The following SRGAP3 variants were observed in gnomAD, a reference collection of about 807,000 sequenced individuals.
SRGAP3 encodes SLIT-ROBO Rho GTPase activating protein 3.
In SRGAP3, 39 loss-of-function variants were observed where a neutral mutation model predicts 121.1. The ratio of observed to expected loss-of-function variants is 0.32; its 90% CI spans 0.25 to 0.42. The LOEUF (loss-of-function observed/expected upper bound fraction) is 0.42, where lower values mean the gene tolerates loss of function less well. Among genes scored for constraint, SRGAP3 ranks in the 10% least tolerant of loss-of-function variants. SRGAP3 has a pLI of 1.00. For synonymous variants in SRGAP3, 601 were observed against 570.0 expected (o/e 1.05, Z -0.77); for missense variants, 1,213 against 1,470.6 (o/e 0.82, Z 2.86).
intron 5 of SRGAP3, among the ~76,000 whole-genome samples, chr3:9,063,909 G>T (rs182075502): frequency 6.6e-6 from 1 of 152,264 alleles, no homozygotes; most frequent in East Asian, 1.9e-4. Context: ...CTTTGAATTG[G>T]CAATGGCAAT....
In SRGAP3 at chr3:9,313,448, G is replaced by C. The variant is rs563763627; in HGVS notation, n.442+12562C>G. ...CCACACCTGTAATCCCAGCACTTTG[G>C]GAGGCTGAGACAGGCAGATGACTTG... On this transcript the variant is annotated intron_variant and non_coding_transcript_variant, in intron 3 of 3. Transcript: ENST00000490889. Among the ~76,000 whole-genome samples the C allele has an allele frequency of 1.3e-4, 20 of 152,226 alleles. No homozygotes were observed. The South Asian group carries it at 3.9e-3, about 30-fold the overall frequency.
intron 14 of SRGAP3, among the ~76,000 whole-genome samples, chr3:9,016,449 A>G (rs1218722453): frequency 2.0e-5 from 3 of 152,140 alleles, no homozygotes; most frequent in African/African-American, 7.2e-5. Context: ...CCAATTAAAT[A>G]TTTTTGGCAA....
Position 8,989,779 on chromosome 3 carries a change from AAAAC to A in SRGAP3, c.2886+729_2886+732del, listed in dbSNP as rs1281413881. 1.2e-4 allele frequency among the ~76,000 whole-genome samples: 18 copies of A among 152,368 alleles called. No individual in the cohort carries two copies. The East Asian group carries it at 2.1e-3, about 18-fold the overall frequency. On this transcript the variant is annotated intron_variant, in intron 21 of 21. Transcript: ENST00000383836. ...TCATATAGATTTTTCATCCAAATACAAAACAAACAAACAAAAGCCAACCCTCTAA... is the reference window on the plus strand; with the variant it reads ...TCATATAGATTTTTCATCCAAATACAAAACAAACAAAAGCCAACCCTCTAA...
intron 14 of SRGAP3, among the ~76,000 whole-genome samples, chr3:9,022,258 G>A (rs1341355745): frequency 6.6e-6 from 1 of 152,330 alleles, no homozygotes; most frequent in African/African-American, 2.4e-5. Context: ...AACCTGGGAG[G>A]CGGAGGTTGC....
At chr3:9,309,257 T>C (rs550677011) in intron 3 of SRGAP3, among the ~76,000 whole-genome samples, 1 of 152,306 alleles carries the variant, frequency 6.6e-6, no homozygotes, top group East Asian at 1.9e-4. Flanking sequence ...ATGACAGAAC[T>C]AAGAGGAACA....
chr3:9,345,928 CAAG>C (rs1955883139), intron 1 of SRGAP3, among the ~76,000 whole-genome samples: 1 of 152,088 alleles, frequency 6.6e-6, no homozygotes, highest in South Asian at 2.1e-4. Context: ...CTGGATGAAC[CAAG>C]AAGAGATTTT....
At chr3:9,059,913 C>A (rs7644129) in intron 6 of SRGAP3, 36,919 of 397,036 alleles carry the variant, frequency 0.093, 2,454 homozygotes, top group African/African-American at 0.24. Flanking sequence ...ATGGTTCCCC[C>A]CTGAACCCCT....
intron 4 of SRGAP3, among the ~76,000 whole-genome samples, chr3:9,075,702 G>GA (rs961160823): frequency 6.6e-6 from 1 of 152,082 alleles, no homozygotes; most frequent in East Asian, 1.9e-4. Context: ...ACTTTAAGAA[G>GA]AAAAAAAGTG....
intron 14 of SRGAP3, among the ~76,000 whole-genome samples, chr3:9,022,875 T>C (rs2125061663): frequency 6.6e-6 from 1 of 152,290 alleles, no homozygotes; most frequent in Middle Eastern, 3.4e-3. Flanking sequence ...AGCTGAGATT[T>C]AGTTCAGACA....
rs965619077 is a variant in SRGAP3 at position 8,981,144 on chromosome 3, G to A, written c.*4375C>T. 4.3e-6 allele frequency: 1 copy of A among 233,122 alleles called. No individual in the cohort carries two copies. The highest frequency in any genetic ancestry group is 8.5e-6 in the Non-Finnish European group (1 of 117,978). The allele number at this position is 233,122 out of a possible 1,614,324, so 14.4% of individuals were successfully genotyped here. On this transcript the variant is annotated 3_prime_UTR_variant, in exon 22 of 22. Transcript: ENST00000383836. ...AGGTCAGGAGGGCTTGGACCTGACA[G>A]CAAAGTCCCTTCTCTCGGCTCCCCT...
chr3:9,008,969 C>A (rs1245353399), intron 18 of SRGAP3, among the ~76,000 whole-genome samples: 6 of 152,120 alleles, frequency 3.9e-5, no homozygotes, highest in African/African-American at 1.2e-4. Context: ...ACCGGAAGAT[C>A]CTACACGAGA....
chr3:9,197,205 C>T (rs1398390430), intron 1 of SRGAP3, among the ~76,000 whole-genome samples: 1 of 152,272 alleles, frequency 6.6e-6, no homozygotes, highest in Non-Finnish European at 1.5e-5. Context: ...ATTCTGCTAA[C>T]ATCAGATGTC....
intron 3 of SRGAP3, among the ~76,000 whole-genome samples, chr3:9,283,950 T>C (rs942969826): frequency 6.6e-6 from 1 of 152,202 alleles, no homozygotes; most frequent in African/African-American, 2.4e-5. Flanking sequence ...CTAACATTTA[T>C]AGACAAGAAT....
intron 16 of SRGAP3, 50 bp downstream of exon 16, chr3:9,013,687 A>T (rs773748923): frequency 2.9e-5 from 47 of 1,601,996 alleles, no homozygotes; most frequent in Non-Finnish European, 4.0e-5. Context: ...ACCCCCTCCC[A>T]AAAGAGGCCA....
chr3:9,058,209 G>C (rs765919861), intron 7 of SRGAP3, 42 bp downstream of exon 7: 3 of 1,602,312 alleles, frequency 1.9e-6, no homozygotes, highest in South Asian at 2.2e-5. Flanking sequence ...TGGGGGAACA[G>C]AGGGAAGCAG....
intron 7 of SRGAP3, among the ~76,000 whole-genome samples, chr3:9,057,477 G>A (rs1374759386): frequency 6.6e-6 from 1 of 152,252 alleles, no homozygotes; most frequent in African/African-American, 2.4e-5. Context: ...GTGCAGCCCT[G>A]CAGAAGTAAG....
rs756168538 is a variant in SRGAP3, at chr3:9,058,311, C to T, written c.963G>A (p.Met321Ile). Residue 321 changes from methionine to isoleucine, a missense_variant, in exon 7 of 22, where the codon ATG (methionine) becomes ATA (isoleucine). Around this residue, in one of 2 missense-constraint regions of SRGAP3, gnomAD observed 793 missense variants for 1,032.9 expected, o/e 0.77. Transcript: ENST00000383836. ...SRSDKHTVMD[M>I]CNQVFCPPLK... is the part of the protein sequence containing the mutation. Reference sequence around the variant, plus strand: ...GTGGAGGGCAGAAGACTTGATTGCACATGTCCATGACTGTGTGCTTGTCAC... The same window carrying T: ...GTGGAGGGCAGAAGACTTGATTGCATATGTCCATGACTGTGTGCTTGTCAC... 6.2e-7 allele frequency: 1 copy of T among 1,614,234 alleles called. No homozygotes were observed. The highest frequency in any genetic ancestry group is 8.5e-7 in the Non-Finnish European group (1 of 1,180,026).
chr3:9,335,468 T>C (rs1291640149), intron 1 of SRGAP3, among the ~76,000 whole-genome samples: 2 of 152,236 alleles, frequency 1.3e-5, no homozygotes, highest in East Asian at 3.8e-4. Flanking sequence ...AACCTCCAAG[T>C]AATGTTTCCA....
At chr3:9,029,107 T>C (rs1034217704) in intron 12 of SRGAP3, among the ~76,000 whole-genome samples, 1 of 152,176 alleles carries the variant, frequency 6.6e-6, no homozygotes, top group Admixed American at 6.5e-5. Flanking sequence ...TGACTAAATC[T>C]ACCAGAATCC....
Sources: allele counts gnomAD v4.1 joint callset (sites outside exome capture counted in the v4.1 genomes callset), GRCh38; gene constraint gnomAD v4.1.1; regional missense constraint gnomAD v4.1.1; transcripts MANE v1.5; gene names NCBI Gene and HGNC (gene_info 2026-07-23, HGNC 2026-07-21).